PKP4: variants seen among roughly 807,000 people sequenced by gnomAD.
The protein encoded by PKP4 is plakophilin 4, also known as plakophilin-4.
In PKP4, 90 loss-of-function variants were observed where a neutral mutation model predicts 145.1. That is an observed-to-expected ratio of 0.62 (90% CI 0.52 to 0.74). The LOEUF (loss-of-function observed/expected upper bound fraction) is 0.74, where lower values mean the gene tolerates loss of function less well. PKP4 is among the 30% of genes least tolerant of loss of function. The pLI, the probability that PKP4 is intolerant of heterozygous loss-of-function variation, is 0.00. For synonymous variants in PKP4, 563 were observed against 577.2 expected, an observed-to-expected ratio of 0.98 and a Z score of 0.35; for missense variants, 1,340 against 1,482.7, an observed-to-expected ratio of 0.90 and a Z score of 1.58.
At chr2:158,521,734 T>G (rs1370491853) in intron 1 of PKP4, among the ~76,000 whole-genome samples, 3 of 152,192 alleles carry the variant, frequency 2.0e-5, no homozygotes, top group African/African-American at 7.2e-5. Flanking sequence ...TCAGGCAAAT[T>G]CTTAATTTCC....
intron 1 of PKP4, among the ~76,000 whole-genome samples, chr2:158,503,058 C>T (rs1696824264): frequency 6.6e-6 from 1 of 152,192 alleles, no homozygotes; most frequent in African/African-American, 2.4e-5. Context: ...CAGCTAGGAA[C>T]CTCCCCTTGG....
intron 1 of PKP4, among the ~76,000 whole-genome samples, chr2:158,531,647 T>C (rs2043556145): frequency 6.6e-6 from 1 of 152,220 alleles, no homozygotes; most frequent in Non-Finnish European, 1.5e-5. Flanking sequence ...TATTACATTG[T>C]ATAAAGAACT....
intron 1 of PKP4, 129 bp from the exon 2 acceptor site, chr2:158,533,051 A>G (rs1477338455): frequency 1.8e-5 from 16 of 893,590 alleles, no homozygotes; most frequent in South Asian, 2.3e-5. Context: ...AAATTTAGCA[A>G]TTTCACAAGT....
At chr2:158,526,039 G>A (rs959927819) in intron 1 of PKP4, among the ~76,000 whole-genome samples, 16 of 151,678 alleles carry the variant, frequency 1.1e-4, no homozygotes, top group South Asian at 6.3e-4. Context: ...ATTCACAGCC[G>A]AATTCTACCA....
At chr2:158,523,615 G>C (rs1157829745) in intron 1 of PKP4, among the ~76,000 whole-genome samples, 5 of 126,944 alleles carry the variant, frequency 3.9e-5, no homozygotes, top group Admixed American at 8.5e-5. Flanking sequence ...ACCAGCAACA[G>C]AACAAAGCTG....
chr2:158,543,401 A>G (rs2044691943), intron 2 of PKP4, among the ~76,000 whole-genome samples: 3 of 152,188 alleles, frequency 2.0e-5, no homozygotes, highest in Admixed American at 1.3e-4. Context: ...TGGAAAACAC[A>G]AGATCAAAAT....
At chr2:158,500,984 T>C (rs1018002234) in intron 1 of PKP4, among the ~76,000 whole-genome samples, 2 of 152,098 alleles carry the variant, frequency 1.3e-5, no homozygotes, top group African/African-American at 2.4e-5. Flanking sequence ...GAGCAGTTAC[T>C]TTGAGGCCTG....
At position 158,680,655 on chromosome 2, in the gene PKP4, G is replaced by T; in HGVS notation, c.3557G>T (p.Gly1186Val). 1 of 1,613,420 alleles carries T rather than the reference G, an allele frequency of 6.2e-7. No homozygotes were observed. Among genetic ancestry groups the T allele is most frequent in the Non-Finnish European group, 8.5e-7 (1 of 1,179,738 alleles). ...TCTTATAGAGCAGAACAGTACCCAG[G>T]GTCCCCAGACTCATGGGTGTAGCAT... is the stretch of plus-strand genomic sequence containing the variant. ...RPSYRAEQYP[G>V]SPDSWV The change falls in exon 22 of 22, where the codon GGG (glycine) becomes GTG (valine). Residue 1186 changes from glycine (G) to valine (V), a missense_variant. Gly to Val is a moderately radical substitution (Grantham distance 109, BLOSUM62 -3). Coordinates refer to ENST00000389759, the MANE Select transcript of PKP4 (RefSeq NM_003628.6).
chr2:158,576,661 T>C (rs770735030), intron 2 of PKP4, among the ~76,000 whole-genome samples: 13 of 152,246 alleles, frequency 8.5e-5, no homozygotes, highest in Non-Finnish European at 1.9e-4. Flanking sequence ...TTCTATGTTA[T>C]GGCTTAGTCT....
At chr2:158,608,005 G>T (rs1375311176) in intron 4 of PKP4, among the ~76,000 whole-genome samples, 2 of 151,978 alleles carry the variant, frequency 1.3e-5, no homozygotes, top group African/African-American at 4.8e-5. Context: ...AGCATAACAG[G>T]GTGACTATAG....
At chr2:158,627,055 G>T (rs2052867859) in intron 7 of PKP4, among the ~76,000 whole-genome samples, 1 of 152,086 alleles carries the variant, frequency 6.6e-6, no homozygotes, top group African/African-American at 2.4e-5. Context: ...TTTGCCTGGA[G>T]AATTTATATT....
chr2:158,559,889 CAG>C (rs912308074), intron 2 of PKP4, among the ~76,000 whole-genome samples: 2 of 151,366 alleles, frequency 1.3e-5, no homozygotes, highest in African/African-American at 4.9e-5. Flanking sequence ...TTTTTTGAGG[CAG>C]AGTCTCACTC....
intron 1 of PKP4, among the ~76,000 whole-genome samples, chr2:158,493,499 C>A (rs1338756609): frequency 6.6e-6 from 1 of 152,166 alleles, no homozygotes; most frequent in Non-Finnish European, 1.5e-5. Context: ...ATCAGTGAAT[C>A]CCATTTAACC....
chr2:158,598,914 A>G (rs1248831011), intron 3 of PKP4, among the ~76,000 whole-genome samples: 2 of 152,220 alleles, frequency 1.3e-5, no homozygotes, highest in African/African-American at 2.4e-5. Context: ...AAGAATTTCC[A>G]GACTCTATTC....
intron 4 of PKP4, among the ~76,000 whole-genome samples, chr2:158,607,286 T>A (rs1278122859): frequency 1.3e-5 from 2 of 152,150 alleles, no homozygotes; most frequent in African/African-American, 4.8e-5. Flanking sequence ...TATTGGAGAC[T>A]TAGTGTTTGA....
intron 3 of PKP4, among the ~76,000 whole-genome samples, chr2:158,595,855 C>G (rs1574684714): frequency 6.6e-6 from 1 of 151,942 alleles, no homozygotes; most frequent in South Asian, 2.1e-4. Flanking sequence ...ATCCCAGATG[C>G]ATAATGGGAA....
rs1395320374 is a variant in PKP4 at position 158,630,747 on chromosome 2, A to G, written c.1154-1006A>G. On this transcript the variant is annotated intron_variant, in intron 7 of 21. Transcript: ENST00000389759. ...GTCCGCAGGATAGGAAGAGAGCAGC[A>G]TGAACCACTGCTCATATAAAGCTTT... Among the ~76,000 whole-genome samples, 3 of 152,372 alleles carry G rather than the reference A, an allele frequency of 2.0e-5. No homozygotes were observed. The South Asian group carries it at 6.2e-4, about 32-fold the overall frequency.
At chr2:158,569,440 G>A (rs1205315395) in intron 2 of PKP4, among the ~76,000 whole-genome samples, 1 of 152,190 alleles carries the variant, frequency 6.6e-6, no homozygotes, top group Non-Finnish European at 1.5e-5. Context: ...CCACAGAGCT[G>A]TCCTAATAAT....
chr2:158,607,679 C>A (rs2007493), intron 4 of PKP4, among the ~76,000 whole-genome samples: 3 of 151,950 alleles, frequency 2.0e-5, no homozygotes, highest in East Asian at 1.9e-4. Flanking sequence ...CCTGATTTCC[C>A]CATGCAATTT....
Sources: allele counts gnomAD v4.1 joint callset (sites outside exome capture counted in the v4.1 genomes callset), GRCh38; gene constraint gnomAD v4.1.1; transcripts MANE v1.5; gene names NCBI Gene and HGNC (gene_info 2026-07-23, HGNC 2026-07-21).